Variants in EPHB3 observed in about 807,000 individuals in gnomAD.
The protein encoded by EPHB3 is EPH receptor B3.
A neutral mutation model predicts 100.2 loss-of-function variants in EPHB3; 33 were observed. That is an observed-to-expected ratio of 0.33 (90% CI 0.25 to 0.44). The LOEUF (loss-of-function observed/expected upper bound fraction) is 0.44, where lower values mean the gene tolerates loss of function less well. Among genes scored for constraint, EPHB3 ranks in the 20% least tolerant of loss-of-function variants. The probability of loss-of-function intolerance (pLI) is 1.00; values close to 1 mark genes in which losing one functional copy is unlikely to be tolerated. For missense variants in EPHB3, 1,045 were observed against 1,378.3 expected (o/e 0.76, Z 3.83); for synonymous variants, 526 against 554.7 (o/e 0.95, Z 0.73).
At position 184,562,343 on chromosome 3, in the gene EPHB3, G is replaced by C; in HGVS notation, c.108G>C (p.Arg36=). The C allele has an allele frequency of 8.1e-7, 1 of 1,234,918 alleles. No individual in the cohort carries two copies. Among genetic ancestry groups the C allele is most frequent in the Non-Finnish European group, 1.0e-6 (1 of 990,150 alleles). The allele number at this position is 1,234,918 out of a possible 1,614,324, so 76.5% of individuals were successfully genotyped here. ...LPLLLLPAGC[R]ALEETLMDTK... The stretch of plus-strand genomic sequence containing the variant: ...TGCTGCTGCTGCCCGCCGGCTGCCG[G>C]GCGCTGGAAGGTGAGCGGCGTCGGG... The change falls in exon 1 of 16, where the codon CGG becomes CGC. Residue 36 remains arginine, a synonymous_variant. Coordinates refer to ENST00000330394, the MANE Select transcript of EPHB3 (RefSeq NM_004443.4). The surrounding 1 kb of genome is among the most constrained non-coding windows in gnomAD (Gnocchi z 4.8).
At position 184,567,373 on chromosome 3, in the gene EPHB3, C is replaced by G. The variant is rs189475124; in HGVS notation, c.119-3945C>G. On this transcript the variant is annotated intron_variant, in intron 1 of 15. Transcript: ENST00000330394. Reference sequence around the variant, plus strand: ...GGCCCATGTGGCTGCCCTGCCTGAGCGAGAGGCACCAGAGTGTTGGGGGCA... The same window carrying G: ...GGCCCATGTGGCTGCCCTGCCTGAGGGAGAGGCACCAGAGTGTTGGGGGCA... Among the ~76,000 whole-genome samples, 197 of 152,284 alleles carry G rather than the reference C, an allele frequency of 1.3e-3. 1 individual carries two copies. Among genetic ancestry groups the G allele is most frequent in the Admixed American group, 3.1e-3 (48 of 15,304 alleles).
chr3:184,568,255 C>T (rs923041093), intron 1 of EPHB3, among the ~76,000 whole-genome samples: 1 of 152,206 alleles, frequency 6.6e-6, no homozygotes, highest in African/African-American at 2.4e-5. Context: ...GACCCCAGGC[C>T]TGGTGACTAC....
Position 184,581,037 on chromosome 3 carries a change from C to T in EPHB3, c.2604C>T (p.His868=), listed in dbSNP as rs764474736. 1 of 1,614,164 alleles carries T rather than the reference C, an allele frequency of 6.2e-7. No homozygotes were observed. The highest frequency in any genetic ancestry group is 2.2e-5 in the East Asian group (1 of 44,866). Reference sequence around the variant, plus strand: ...CCATGGACTGTCCCACAGCACTGCACCAGCTCATGCTGGACTGCTGGGTGC... The same window carrying T: ...CCATGGACTGTCCCACAGCACTGCATCAGCTCATGCTGGACTGCTGGGTGC... ...PPPMDCPTAL[H]QLMLDCWVRD... Residue 868 remains histidine, a synonymous_variant, in exon 14 of 16, where the codon CAC becomes CAT. Coordinates refer to ENST00000330394, the MANE Select transcript of EPHB3 (RefSeq NM_004443.4).
In EPHB3 at chr3:184,579,383, G is replaced by A; in HGVS notation, c.1802-94G>A. 6.4e-7 allele frequency: 1 copy of A among 1,552,878 alleles called. No homozygotes were observed. Among genetic ancestry groups the A allele is most frequent in the Admixed American group, 1.8e-5 (1 of 56,326 alleles). ...GGGCAGCAACACAGAGGAATATGGG[G>A]CTGGGCTCAGCAGGGAGCCTGCTGG... is the stretch of plus-strand genomic sequence containing the variant. On this transcript the variant is annotated intron_variant, in intron 9 of 15. Transcript: ENST00000330394. This position sits in a 1 kb window ranked among gnomAD's most constrained non-coding sequence, Gnocchi z 5.2.
At position 184,572,093 on chromosome 3, in the gene EPHB3, A is replaced by G. The variant is rs1358697166; in HGVS notation, c.184-411A>G. On this transcript the variant is annotated intron_variant, in intron 2 of 15. Transcript: ENST00000330394. The surrounding 1 kb of genome is among the most constrained non-coding windows in gnomAD (Gnocchi z 6.6). Reference sequence around the variant, plus strand: ...GCTTGCACTGCTACAAGCCCATTACATTTATTAGCCTGATTTAATTCCTCA... The same window carrying G: ...GCTTGCACTGCTACAAGCCCATTACGTTTATTAGCCTGATTTAATTCCTCA... Among the ~76,000 whole-genome samples, 2 of 152,198 alleles carry G rather than the reference A, an allele frequency of 1.3e-5. No homozygotes were observed. The highest frequency in any genetic ancestry group is 4.8e-5 in the African/African-American group (2 of 41,436).
At position 184,577,830 on chromosome 3, in the gene EPHB3, C is replaced by T. The variant is rs543004196; in HGVS notation, c.1639+13C>T. The T allele has an allele frequency of 1.9e-6, 3 of 1,605,438 alleles. No individual in the cohort carries two copies. Among genetic ancestry groups the T allele is most frequent in the Middle Eastern group, 1.7e-4 (1 of 6,022 alleles). On this transcript the variant is annotated intron_variant, in intron 7 of 15. Coordinates refer to ENST00000330394, the MANE Select transcript of EPHB3 (RefSeq NM_004443.4). The surrounding 1 kb of genome is among the most constrained non-coding windows in gnomAD (Gnocchi z 4.9). ...ACAAGTGAGAGAGGTTAGTAGCCCC[C>T]TGCGCCTGTCCCCATCGCGGCCCTC...
At position 184,579,688 on chromosome 3, in the gene EPHB3, G is replaced by C. The variant is rs578222600; in HGVS notation, c.1926G>C (p.Gly642=). The C allele has an allele frequency of 6.2e-7, 1 of 1,611,022 alleles. No individual in the cohort carries two copies. The highest frequency in any genetic ancestry group is 1.1e-5 in the South Asian group (1 of 90,886). The part of the protein sequence containing the change: ...CVKIEEVIGA[G]EFGEVCRGRL... ...TAGCTTGTGCCCTGTGCCCTGCAGG[G>C]GAATTTGGGGAAGTGTGCCGTGGTC... The change falls in exon 11 of 16, where the codon GGG becomes GGC. Residue 642 remains glycine, a splice_region_variant and synonymous_variant. Coordinates refer to ENST00000330394, the MANE Select transcript of EPHB3 (RefSeq NM_004443.4). This position sits in a 1 kb window ranked among gnomAD's most constrained non-coding sequence, Gnocchi z 5.2.
Position 184,579,652 on chromosome 3 carries a change from G to T in EPHB3, c.1925-35G>T. 6.8e-6 allele frequency: 11 copies of T among 1,612,052 alleles called. No individual in the cohort carries two copies. The highest frequency in any genetic ancestry group is 8.5e-6 in the Non-Finnish European group (10 of 1,178,444). On this transcript the variant is annotated intron_variant, in intron 10 of 15. Coordinates refer to ENST00000330394, the MANE Select transcript of EPHB3 (RefSeq NM_004443.4). This position sits in a 1 kb window ranked among gnomAD's most constrained non-coding sequence, Gnocchi z 5.2. ...GAGAAGCTGAGGCGGGCTGGGTACA[G>T]GAGTGAGTCATAGCTTGTGCCCTGT...
Position 184,577,564 on chromosome 3 carries a change from G to A in EPHB3, c.1480-94G>A, listed in dbSNP as rs979433361. The A allele has an allele frequency of 6.3e-7, 1 of 1,581,752 alleles. No individual in the cohort carries two copies. Among genetic ancestry groups the A allele is most frequent in the African/African-American group, 1.3e-5 (1 of 74,498 alleles). On this transcript the variant is annotated intron_variant, in intron 6 of 15. Coordinates refer to ENST00000330394, the MANE Select transcript of EPHB3 (RefSeq NM_004443.4). This position sits in a 1 kb window ranked among gnomAD's most constrained non-coding sequence, Gnocchi z 4.9. ...GGGGCCCTTGGGAGCAAGGCCTTGG[G>A]TATGGAGGGGGCATGTGGCAGGCCT... is the stretch of plus-strand genomic sequence containing the variant.
chr3:184,573,296 T>C lies in EPHB3; in HGVS notation c.856+120T>C, dbSNP rs922791444. ...AGGAGGTCTGGGAGCAGGTCCACAG[T>C]GGAGGCAGGAGAGGGAAGAGTGGGG... On this transcript the variant is annotated intron_variant, in intron 3 of 15. Coordinates refer to ENST00000330394, the MANE Select transcript of EPHB3 (RefSeq NM_004443.4). This position sits in a 1 kb window ranked among gnomAD's most constrained non-coding sequence, Gnocchi z 4.5. 6.3e-6 allele frequency: 8 copies of C among 1,273,498 alleles called. No homozygotes were observed. The Admixed American group carries it at 8.4e-5, about 13-fold the overall frequency. The allele number at this position is 1,273,498 out of a possible 1,614,324, so 78.9% of individuals were successfully genotyped here.
At position 184,573,552 on chromosome 3, in the gene EPHB3, G is replaced by T. The variant is rs531039921; in HGVS notation, c.856+376G>T. Reference sequence around the variant, plus strand: ...CCCTGAAAGTGGTAGGTTGGCCCCAGGGCCAAGGGCACGGGGGCTGTGGGT... The same window carrying T: ...CCCTGAAAGTGGTAGGTTGGCCCCATGGCCAAGGGCACGGGGGCTGTGGGT... On this transcript the variant is annotated intron_variant, in intron 3 of 15. Coordinates refer to ENST00000330394, the MANE Select transcript of EPHB3 (RefSeq NM_004443.4). The surrounding 1 kb of genome is among the most constrained non-coding windows in gnomAD (Gnocchi z 4.5). 1.3e-5 allele frequency among the ~76,000 whole-genome samples: 2 copies of T among 152,196 alleles called. No individual in the cohort carries two copies. The highest frequency in any genetic ancestry group is 4.8e-5 in the African/African-American group (2 of 41,512).
Position 184,577,660 on chromosome 3 carries a change from C to T in EPHB3, c.1482C>T (p.Ser494=), listed in dbSNP as rs778433871. Reference sequence around the variant, plus strand: ...CCCCCTCTCTCCTGGCATTGCAGAGCGAGGGCATCGCCTCCACAGTGACCA... The same window carrying T: ...CCCCCTCTCTCCTGGCATTGCAGAGTGAGGGCATCGCCTCCACAGTGACCA... ...LDYEMKYFEK[S]EGIASTVTSQ... The change falls in exon 7 of 16, where the codon AGC becomes AGT. Residue 494 remains serine (S), a splice_region_variant and synonymous_variant. Coordinates refer to ENST00000330394, the MANE Select transcript of EPHB3 (RefSeq NM_004443.4). The surrounding 1 kb of genome is among the most constrained non-coding windows in gnomAD (Gnocchi z 4.9). The T allele has an allele frequency of 9.5e-5, 152 of 1,592,906 alleles. 4 individuals carry two copies. In the Middle Eastern group the frequency reaches 2.0e-3, roughly 21 times the overall value.
intron 1 of EPHB3, among the ~76,000 whole-genome samples, chr3:184,566,246 C>A (rs1218066478): frequency 6.6e-6 from 1 of 152,244 alleles, no homozygotes; most frequent in Non-Finnish European, 1.5e-5. Context: ...GGCAGGGCCA[C>A]AGTGGGGTGG....
In EPHB3 at chr3:184,562,245, G is replaced by C; in HGVS notation, c.10G>C (p.Ala4Pro). MAR[A>P]RPPPPPSPPP... ...TAGAGCTGCCACGGCCATGGCCAGAGCCCGCCCGCCGCCGCCGCCGTCGCC... is the reference window on the plus strand; with the variant it reads ...TAGAGCTGCCACGGCCATGGCCAGACCCCGCCCGCCGCCGCCGCCGTCGCC... The change falls in exon 1 of 16, where the codon GCC becomes CCC. Residue 4 changes from alanine (A) to proline (P), a missense_variant. Transcript: ENST00000330394. This position sits in a 1 kb window ranked among gnomAD's most constrained non-coding sequence, Gnocchi z 4.8. The C allele has an allele frequency of 1.9e-6, 2 of 1,041,678 alleles. No individual in the cohort carries two copies. The highest frequency in any genetic ancestry group is 2.4e-6 in the Non-Finnish European group (2 of 833,952). The allele number at this position is 1,041,678 out of a possible 1,614,324, so 64.5% of individuals were successfully genotyped here. A position where few individuals can be genotyped will look rare whatever the true frequency, so the allele number is the denominator to read the frequency against.
rs370099869 is a variant in EPHB3, at chr3:184,581,523, C to T, written c.2898C>T (p.Leu966=). The part of the protein sequence containing the change: ...LVAQMTAEDL[L]RIGVTLAGHQ... ...TTGGCTCCACCTGCAGAGACCTGCT[C>T]CGTATTGGGGTCACCCTGGCCGGCC... The change falls in exon 16 of 16, where the codon CTC becomes CTT. Residue 966 remains leucine (L), a synonymous_variant. Coordinates refer to ENST00000330394, the MANE Select transcript of EPHB3 (RefSeq NM_004443.4). The T allele has an allele frequency of 3.8e-5, 61 of 1,613,068 alleles. No homozygotes were observed. Among genetic ancestry groups the T allele is most frequent in the African/African-American group, 6.7e-5 (5 of 74,908 alleles).
rs760722205 is a variant in EPHB3, at chr3:184,577,717, T to C, written c.1539T>C (p.Leu513=). 9 of 1,611,298 alleles carry C rather than the reference T, an allele frequency of 5.6e-6. No individual in the cohort carries two copies. The highest frequency in any genetic ancestry group is 3.4e-6 in the Non-Finnish European group (4 of 1,178,320). ...SQMNSVQLDG[L]RPDARYVVQV... ...TGAACTCCGTGCAGCTGGACGGGCTTCGGCCTGACGCCCGCTATGTGGTCC... is the reference window on the plus strand; with the variant it reads ...TGAACTCCGTGCAGCTGGACGGGCTCCGGCCTGACGCCCGCTATGTGGTCC... Residue 513 remains leucine, a synonymous_variant, in exon 7 of 16, where the codon CTT becomes CTC. Transcript: ENST00000330394. The surrounding 1 kb of genome is among the most constrained non-coding windows in gnomAD (Gnocchi z 4.9).
chr3:184,567,806 G>T (rs939790793), intron 1 of EPHB3, among the ~76,000 whole-genome samples: 17 of 152,206 alleles, frequency 1.1e-4, no homozygotes, highest in Admixed American at 2.6e-4. Context: ...GGGGGTGAGT[G>T]CCCTCTGTGT....
Position 184,578,387 on chromosome 3 carries a change from C to T in EPHB3, c.1749-27C>T, listed in dbSNP as rs1175751772. 1 of 1,613,784 alleles carries T rather than the reference C, an allele frequency of 6.2e-7. No individual in the cohort carries two copies. Among genetic ancestry groups the T allele is most frequent in the Non-Finnish European group, 8.5e-7 (1 of 1,179,910 alleles). On this transcript the variant is annotated intron_variant, in intron 8 of 15. Coordinates refer to ENST00000330394, the MANE Select transcript of EPHB3 (RefSeq NM_004443.4). This position sits in a 1 kb window ranked among gnomAD's most constrained non-coding sequence, Gnocchi z 4.7. Reference sequence around the variant, plus strand: ...AGGGAGGCAGATGACTTGTCTCAGGCCTGCCCTCCACCCTGCCACCCTACA... The same window carrying T: ...AGGGAGGCAGATGACTTGTCTCAGGTCTGCCCTCCACCCTGCCACCCTACA...
chr3:184,564,353 G>A (rs547113075), intron 1 of EPHB3, among the ~76,000 whole-genome samples: 10 of 152,336 alleles, frequency 6.6e-5, no homozygotes, highest in African/African-American at 1.9e-4. Context: ...TCTCCAGTTC[G>A]TGCGTGGGAG....
Sources: gnomAD v4.1 joint callset for allele counts (sites outside exome capture counted in the v4.1 genomes callset) on GRCh38, gnomAD v4.1.1 for gene constraint, Gnocchi (gnomAD v3.1) non-coding constraint, MANE v1.5 for transcripts, NCBI Gene and HGNC (gene_info 2026-07-23, HGNC 2026-07-21) for gene names.